Variants in EYS observed in about 807,000 individuals in gnomAD.
EYS encodes protein eyes shut homolog.
A neutral mutation model predicts 282.1 loss-of-function variants in EYS; 250 were observed. The observed-to-expected ratio is 0.89, with a 90% CI of 0.80 to 0.98. The LOEUF is 0.98. Among genes scored for constraint, EYS ranks in the 50% least tolerant of loss-of-function variants. The pLI, the probability that EYS is intolerant of heterozygous loss-of-function variation, is 0.00. For missense variants in EYS, 4,016 were observed against 3,709.0 expected (o/e 1.08, Z -2.15); for synonymous variants, 1,355 against 1,282.9 (o/e 1.06, Z -1.20).
chr6:64,706,939 T>C (rs1330311255), intron 22 of EYS, among the ~76,000 whole-genome samples: 1 of 152,144 alleles, frequency 6.6e-6, no homozygotes, highest in African/African-American at 2.4e-5. Context: ...AGAACTACCA[T>C]TTGATTCAGC....
intron 35 of EYS, among the ~76,000 whole-genome samples, chr6:63,952,402 C>T (rs1412683317): frequency 6.6e-6 from 1 of 152,240 alleles, no homozygotes; most frequent in African/African-American, 2.4e-5. Flanking sequence ...ATCACAGATG[C>T]TTTGGGTAAT....
chr6:63,856,080 G>C (rs188424395), intron 36 of EYS, among the ~76,000 whole-genome samples: 210 of 148,442 alleles, frequency 1.4e-3, no homozygotes, highest in African/African-American at 4.9e-3. Flanking sequence ...CTAACTGGCA[G>C]GTGCATCACA....
At chr6:64,259,696 A>C (rs530251913) in intron 30 of EYS, among the ~76,000 whole-genome samples, 1 of 149,646 alleles carries the variant, frequency 6.7e-6, no homozygotes, top group Non-Finnish European at 1.5e-5. Context: ...CTGTGTGTGC[A>C]TGTTGTCTCA....
intron 29 of EYS, among the ~76,000 whole-genome samples, chr6:64,347,336 T>G (rs1398712756): frequency 6.6e-6 from 1 of 151,452 alleles, no homozygotes; most frequent in African/African-American, 2.4e-5. Context: ...TTATTAATCC[T>G]TAGGCTAATG....
At chr6:63,937,547 A>AT (rs1765108773) in intron 35 of EYS, among the ~76,000 whole-genome samples, 1 of 149,408 alleles carries the variant, frequency 6.7e-6, no homozygotes, top group African/African-American at 2.5e-5. Flanking sequence ...CGACCGGTTA[A>AT]TTTTTTTGTA....
chr6:65,413,623 G>A (rs75485472), intron 5 of EYS, among the ~76,000 whole-genome samples: 1 of 152,034 alleles, frequency 6.6e-6, no homozygotes, highest in Non-Finnish European at 1.5e-5. Context: ...ACTTTGGGAG[G>A]CTGAGGCGCA....
intron 12 of EYS, among the ~76,000 whole-genome samples, chr6:65,061,356 C>T (rs954599615): frequency 6.6e-6 from 1 of 151,882 alleles, no homozygotes; most frequent in African/African-American, 2.4e-5. Flanking sequence ...AACAATCAAG[C>T]ATTCTACATC....
intron 14 of EYS, among the ~76,000 whole-genome samples, chr6:64,970,328 G>T (rs960687864): frequency 1.3e-5 from 2 of 152,134 alleles, no homozygotes; most frequent in East Asian, 1.9e-4. Flanking sequence ...ATCCCGAGTA[G>T]CTGGGATTAC....
At chr6:63,831,454 T>A (rs558771414) in intron 36 of EYS, among the ~76,000 whole-genome samples, 1 of 151,818 alleles carries the variant, frequency 6.6e-6, no homozygotes, top group South Asian at 2.1e-4. Context: ...CCAACAAAGA[T>A]CAAAAGAGAC....
chr6:64,949,243 C>T (rs1769397806), intron 14 of EYS, among the ~76,000 whole-genome samples: 2 of 151,890 alleles, frequency 1.3e-5, no homozygotes, highest in South Asian at 2.1e-4. Context: ...AAGAGTCAGT[C>T]ACCTAAATCC....
chr6:65,038,059 A>C (rs1772823908), intron 13 of EYS, among the ~76,000 whole-genome samples: 1 of 151,666 alleles, frequency 6.6e-6, no homozygotes, highest in African/African-American at 2.4e-5. Flanking sequence ...AAAGGTTTAG[A>C]ATCACTAACC....
chr6:64,283,096 G>C (rs183128752), intron 30 of EYS, among the ~76,000 whole-genome samples: 1 of 152,222 alleles, frequency 6.6e-6, no homozygotes, highest in Non-Finnish European at 1.5e-5. Flanking sequence ...TTCAGCTCCA[G>C]TGATAGTGTT....
chr6:65,390,720 C>A (rs567505073), intron 7 of EYS, among the ~76,000 whole-genome samples: 1 of 151,782 alleles, frequency 6.6e-6, no homozygotes, highest in Admixed American at 6.6e-5. Flanking sequence ...CCCATATCCA[C>A]AATTTCTTTT....
chr6:64,791,569 T>G (rs1583162622), intron 22 of EYS, among the ~76,000 whole-genome samples: 1 of 151,940 alleles, frequency 6.6e-6, no homozygotes, highest in Admixed American at 6.6e-5. Flanking sequence ...TGGACAGGAA[T>G]GTGTAACCAA....
intron 29 of EYS, among the ~76,000 whole-genome samples, chr6:64,372,137 T>G (rs977681649): frequency 0.021 from 508 of 24,666 alleles, 8 homozygotes; most frequent in African/African-American, 0.041. Flanking sequence ...TGTGTTTTTT[T>G]TTTTTTTTTT....
chr6:64,938,083 T>C (rs1033104566), intron 15 of EYS, among the ~76,000 whole-genome samples: 2 of 151,540 alleles, frequency 1.3e-5, no homozygotes, highest in African/African-American at 4.8e-5. Context: ...ATCCTAGAGA[T>C]AGAAAGTCGA....
chr6:65,529,020 A>C (rs1562242422), intron 2 of EYS, among the ~76,000 whole-genome samples: 1 of 152,202 alleles, frequency 6.6e-6, no homozygotes. Flanking sequence ...AGAAGCAAGT[A>C]TTACAGATGA....
chr6:65,064,162 T>C (rs1158770480), intron 12 of EYS, among the ~76,000 whole-genome samples: 1 of 143,536 alleles, frequency 7.0e-6, no homozygotes, highest in African/African-American at 2.5e-5. Context: ...ATATAACATA[T>C]ATAATATATA....
At chr6:64,588,622 T>C (rs1158867331) in intron 26 of EYS, among the ~76,000 whole-genome samples, 1 of 152,068 alleles carries the variant, frequency 6.6e-6, no homozygotes, top group African/African-American at 2.4e-5. Context: ...GGCCCAATGC[T>C]GGTTTTGCTG....
Sources: allele counts gnomAD v4.1 joint callset (sites outside exome capture counted in the v4.1 genomes callset), GRCh38; gene constraint gnomAD v4.1.1; transcripts MANE v1.5; gene names NCBI Gene and HGNC (gene_info 2026-07-23, HGNC 2026-07-21).